The following RGS20 variants were observed in gnomAD, a reference collection of about 807,000 sequenced individuals.
RGS20 encodes regulator of G protein signaling 20, also known as gz-selective GTPase-activating protein.
In RGS20, 30 loss-of-function variants were observed where a neutral mutation model predicts 33.6. That is an observed-to-expected ratio of 0.89 (90% confidence interval 0.67 to 1.21). The LOEUF is 1.21. Among genes scored for constraint, RGS20 ranks in the 50% most tolerant of loss-of-function variants. The pLI is 0.00. For synonymous variants in RGS20, 208 were observed against 197.9 expected (o/e 1.05, Z -0.43); for missense variants, 472 against 502.4 (o/e 0.94, Z 0.58).
chr8:53,929,771 A>C (rs563385955), intron 2 of RGS20, among the ~76,000 whole-genome samples: 2 of 152,346 alleles, frequency 1.3e-5, no homozygotes, highest in South Asian at 4.1e-4. Context: ...GAGTTAGCTC[A>C]CTCAGTCATT....
At chr8:53,910,277 CA>C (rs34445959) in intron 2 of RGS20, among the ~76,000 whole-genome samples, 2,419 of 151,284 alleles carry the variant, frequency 0.016, 53 homozygotes, top group African/African-American at 0.054. Flanking sequence ...GGCTATGGGC[CA>C]AAAAAAATTA....
At chr8:53,931,283 G>A (rs1031213298) in intron 2 of RGS20, among the ~76,000 whole-genome samples, 7 of 152,210 alleles carry the variant, frequency 4.6e-5, no homozygotes, top group African/African-American at 1.7e-4. Flanking sequence ...AAGGCCAGGT[G>A]CAGTGGCTCA....
In RGS20 at chr8:53,889,412, C is replaced by CTTTTTTTTTTTTTTTTTT. The variant is rs34316630; in HGVS notation, c.510+9832_510+9849dup. On this transcript the variant is annotated intron_variant, in intron 2 of 5. Coordinates refer to ENST00000297313, the MANE Select transcript of RGS20 (RefSeq NM_170587.4). ...TCTTTCTTTCTTTCTCTCTCTCTCT[C>CTTTTTTTTTTTTTTTTTT]TTTTTTTTTTTTTTTTTTTTTTTTT... Among the ~76,000 whole-genome samples, 2 of 41,834 alleles carry CTTTTTTTTTTTTTTTTTT rather than the reference C, an allele frequency of 4.8e-5. 1 individual carries two copies. 27.4% of individuals were successfully genotyped at this position (41,834 alleles called of 152,430 possible). A position where few individuals can be genotyped will look rare whatever the true frequency, so the allele number is the denominator to read the frequency against.
At chr8:53,900,655 C>T (rs1481251834) in intron 2 of RGS20, among the ~76,000 whole-genome samples, 2 of 152,186 alleles carry the variant, frequency 1.3e-5, no homozygotes, top group Non-Finnish European at 2.9e-5. Flanking sequence ...AATCTCAAGG[C>T]AGCTAATGTT....
intron 2 of RGS20, chr8:53,914,835 A>G (rs1039381071): frequency 2.0e-4 from 30 of 151,490 alleles, no homozygotes; most frequent in African/African-American, 6.9e-4. Context: ...AAAAAAAAAG[A>G]AAAAAAATTT....
At chr8:53,887,374 T>A in intron 2 of RGS20, 1 of 222,590 alleles carries the variant, frequency 4.5e-6, no homozygotes. Context: ...CAGGAGGAAT[T>A]CGTTCCTTAT....
intron 1 of RGS20, among the ~76,000 whole-genome samples, chr8:53,867,455 C>T (rs755000075): frequency 4.6e-5 from 7 of 152,106 alleles, no homozygotes. Flanking sequence ...ACTTGTTTTA[C>T]AGACTAACAA....
chr8:53,921,481 T>G (rs1489465908), intron 2 of RGS20, among the ~76,000 whole-genome samples: 1 of 151,500 alleles, frequency 6.6e-6, no homozygotes, highest in African/African-American at 2.4e-5. Context: ...CCTGAACAGA[T>G]CTGGGCTTTC....
chr8:53,893,152 A>G (rs1347290263), intron 2 of RGS20, among the ~76,000 whole-genome samples: 1 of 152,174 alleles, frequency 6.6e-6, no homozygotes, highest in African/African-American at 2.4e-5. Context: ...AAAGGCTAAC[A>G]GTATTTTCTG....
intron 3 of RGS20, among the ~76,000 whole-genome samples, chr8:53,942,404 AATG>A (rs1425935518): frequency 6.6e-6 from 1 of 152,004 alleles, no homozygotes; most frequent in Non-Finnish European, 1.5e-5. Flanking sequence ...GGCTGCAGTG[AATG>A]ATGATTGTGC....
intron 4 of RGS20, among the ~76,000 whole-genome samples, chr8:53,948,035 G>T (rs1362220657): frequency 7.6e-6 from 1 of 130,862 alleles, no homozygotes; most frequent in African/African-American, 2.8e-5. Context: ...CTATATATAA[G>T]TATATATGCT....
chr8:53,892,018 C>T (rs34317335), intron 2 of RGS20, among the ~76,000 whole-genome samples: 1 of 151,942 alleles, frequency 6.6e-6, no homozygotes, highest in Non-Finnish European at 1.5e-5. Flanking sequence ...TTAGGTATAT[C>T]TCCTAATGCT....
intron 2 of RGS20, among the ~76,000 whole-genome samples, chr8:53,909,600 T>C (rs186174259): frequency 1.2e-3 from 181 of 152,186 alleles, no homozygotes; most frequent in Admixed American, 3.3e-3. Context: ...AGTGTACAGG[T>C]AGATATTTAA....
chr8:53,947,262 T>G (rs1378129785), intron 4 of RGS20, among the ~76,000 whole-genome samples: 2 of 143,466 alleles, frequency 1.4e-5, no homozygotes, highest in Non-Finnish European at 3.0e-5. Context: ...TATTTATACA[T>G]GCTATATAAG....
chr8:53,863,147 C>T (rs1295653726), intron 1 of RGS20, among the ~76,000 whole-genome samples: 1 of 152,016 alleles, frequency 6.6e-6, no homozygotes, highest in African/African-American at 2.4e-5. Context: ...GCCACCATGC[C>T]CGGCTAATTT....
At chr8:53,939,847 G>A in intron 3 of RGS20, 123 bp downstream of exon 2, 1 of 1,162,934 alleles carries the variant, frequency 8.6e-7, no homozygotes. Context: ...TGTTTTTTAA[G>A]CAACTACTAT....
chr8:53,860,967 C>CA (rs1209881089), intron 1 of RGS20, among the ~76,000 whole-genome samples: 176 of 130,670 alleles, frequency 1.3e-3, no homozygotes, highest in Middle Eastern at 7.5e-3. Flanking sequence ...ACCCTGTCTC[C>CA]AAAAAAAAAA....
At chr8:53,941,783 G>A (rs953520456) in intron 3 of RGS20, among the ~76,000 whole-genome samples, 1 of 152,138 alleles carries the variant, frequency 6.6e-6, no homozygotes, top group African/African-American at 2.4e-5. Context: ...TAAATAGCAG[G>A]ATACTTGGTA....
At chr8:53,955,494 A>T (rs1051035744) in intron 5 of RGS20, among the ~76,000 whole-genome samples, 1 of 152,124 alleles carries the variant, frequency 6.6e-6, no homozygotes, top group Non-Finnish European at 1.5e-5. Context: ...GAGATTGGGC[A>T]AGTTTCCACC....
Sources: gnomAD v4.1 joint callset for allele counts (sites outside exome capture counted in the v4.1 genomes callset) on GRCh38, gnomAD v4.1.1 for gene constraint, MANE v1.5 for transcripts, NCBI Gene and HGNC (gene_info 2026-07-23, HGNC 2026-07-21) for gene names.